The following WDR20 variants were observed in gnomAD, a reference collection of about 807,000 sequenced individuals.
WDR20 encodes the protein WD repeat domain 20.
Under a neutral mutation model 38.7 loss-of-function variants are expected in WDR20, and 3 were observed. That is an observed-to-expected ratio of 0.08 (90% confidence interval 0.04 to 0.20). The LOEUF (loss-of-function observed/expected upper bound fraction) is 0.20. Among genes scored for constraint, WDR20 ranks in the 10% least tolerant of loss-of-function variants. The probability of loss-of-function intolerance (pLI) is 1.00; values close to 1 mark genes in which losing one functional copy is unlikely to be tolerated. For synonymous variants in WDR20, 298 were observed against 285.6 expected, an observed-to-expected ratio of 1.04 and a Z score of -0.44; for missense variants, 559 against 727.7, an observed-to-expected ratio of 0.77 and a Z score of 2.67.
chr14:102,211,963 A>C (rs2062596164), downstream of WDR20, among the ~76,000 whole-genome samples: 1 of 152,086 alleles, frequency 6.6e-6, no homozygotes, highest in East Asian at 1.9e-4. The surrounding 1 kb of genome is among the most constrained non-coding windows in gnomAD (Gnocchi z 4.2). Flanking sequence ...CGAGTAACCA[A>C]CGTGACCGAC....
At chr14:102,185,401 C>T (rs2064392567) in intron 1 of WDR20, among the ~76,000 whole-genome samples, 1 of 152,064 alleles carries the variant, frequency 6.6e-6, no homozygotes, top group Non-Finnish European at 1.5e-5. Context: ...CTTCAAGAAG[C>T]CTAGGAACAT....
intron 2 of WDR20, among the ~76,000 whole-genome samples, chr14:102,198,595 C>T (rs182565306): frequency 6.2e-4 from 94 of 152,240 alleles, no homozygotes; most frequent in African/African-American, 2.2e-3. Flanking sequence ...GAAAGAAGGA[C>T]GGTTTACCTG....
intron 2 of WDR20, among the ~76,000 whole-genome samples, chr14:102,199,818 CCT>C (rs1437161659): frequency 3.9e-5 from 6 of 152,170 alleles, no homozygotes; most frequent in Non-Finnish European, 7.3e-5. Context: ...TGATTTTCCC[CCT>C]GTCAATTAAA....
intron 2 of WDR20, among the ~76,000 whole-genome samples, chr14:102,203,701 A>T (rs988683795): frequency 1.3e-5 from 2 of 151,532 alleles, no homozygotes; most frequent in Non-Finnish European, 2.9e-5. Flanking sequence ...CCGAAACCCC[A>T]TCCCTCAGAG....
chr14:102,205,344 G>A lies in WDR20; in HGVS notation c.433-3259G>A, dbSNP rs201807313. ...CCCTTTGGTATGAAAAAGAAGAGTG[G>A]ATAAATGCGTATTCATATTTGCCTT... On this transcript the variant is annotated intron_variant, in intron 2 of 2. Coordinates refer to ENST00000342702, the MANE Select transcript of WDR20 (RefSeq NM_144574.4). Among the ~76,000 whole-genome samples, 76 of 152,194 alleles carry A rather than the reference G, an allele frequency of 5.0e-4. 1 individual carries two copies. The highest frequency in any genetic ancestry group is 3.4e-3 in the Middle Eastern group (1 of 292).
rs757691666 is a variant in WDR20, at chr14:102,208,677, C to T, written c.507C>T (p.His169=). The T allele has an allele frequency of 6.8e-6, 11 of 1,614,000 alleles. No homozygotes were observed. In the African/African-American group the frequency reaches 1.3e-4, roughly 20 times the overall value. ...CGGAAAGCCTTTTCCTAGTAGCCCA[C>T]TCGAGTGGGAACATGTACTTATATA... ...PGSESLFLVA[H]SSGNMYLYNV... The change falls in exon 3 of 3, where the codon CAC becomes CAT. Residue 169 remains histidine, a synonymous_variant. Coordinates refer to ENST00000342702, the MANE Select transcript of WDR20 (RefSeq NM_144574.4). The surrounding 1 kb of genome is among the most constrained non-coding windows in gnomAD (Gnocchi z 5.6).
chr14:102,216,537 A>G (rs1355398993), downstream of WDR20, among the ~76,000 whole-genome samples: 2 of 152,216 alleles, frequency 1.3e-5, no homozygotes, highest in African/African-American at 4.8e-5. Flanking sequence ...TTTAAGCCCT[A>G]AAGACTATTA....
At chr14:102,152,108 G>T (rs569677021) in intron 1 of WDR20, among the ~76,000 whole-genome samples, 1 of 151,912 alleles carries the variant, frequency 6.6e-6, no homozygotes, top group South Asian at 2.1e-4. Flanking sequence ...TAGAGACAGG[G>T]TTTCACCATG....
rs139993724 is a variant in WDR20, at chr14:102,196,351, T to C, written c.432+1231T>C. On this transcript the variant is annotated intron_variant, in intron 2 of 2. Transcript: ENST00000342702. ...AAAAAAAGTTAAGCAGAAAATATTT[T>C]ATTTACCTAGATGTTTTTTTAGTAT... Among the ~76,000 whole-genome samples the C allele has an allele frequency of 4.5e-3, 693 of 152,318 alleles. 6 individuals carry two copies. Among genetic ancestry groups the C allele is most frequent in the African/African-American group, 0.015 (642 of 41,572 alleles).
chr14:102,149,056 G>C (rs1049907703), intron 1 of WDR20, among the ~76,000 whole-genome samples: 3 of 152,070 alleles, frequency 2.0e-5, no homozygotes, highest in Admixed American at 6.6e-5. Context: ...GCAGCTACTC[G>C]GAAGGCTGAG....
chr14:102,217,612 G>GT (rs1333187837), downstream of WDR20, among the ~76,000 whole-genome samples: 34 of 152,220 alleles, frequency 2.2e-4, 1 homozygote, highest in Admixed American at 1.8e-3. Context: ...CCTGGGCTGG[G>GT]CCCAGGGTTC....
At chr14:102,213,154 G>A (rs1215251306), downstream of WDR20, 1 of 985,756 alleles carries the variant, frequency 1.0e-6, no homozygotes, top group African/African-American at 1.7e-5. Context: ...CCAGATTTGT[G>A]CTGTGACTGC....
Position 102,220,755 on chromosome 14 carries a change from T to C in WDR20, c.1693-2075T>C, listed in dbSNP as rs1318994984. ...AAAAAAAAGAAAATATTAAAATTAA[T>C]GTCACTTGTTTTTATTATCTATCTT... is the stretch of plus-strand genomic sequence containing the variant. On this transcript the variant is annotated intron_variant, in intron 3 of 3. Transcript: ENST00000335263. The surrounding 1 kb of genome is among the most constrained non-coding windows in gnomAD (Gnocchi z 4.2). 6.6e-6 allele frequency among the ~76,000 whole-genome samples: 1 copy of C among 151,374 alleles called. No homozygotes were observed. The highest frequency in any genetic ancestry group is 2.4e-5 in the African/African-American group (1 of 41,202).
At chr14:102,191,256 G>A (rs1566980359) in intron 1 of WDR20, 1 of 152,190 alleles carries the variant, frequency 6.6e-6, no homozygotes, top group Non-Finnish European at 1.5e-5. Flanking sequence ...TGCCTGGTCT[G>A]GGCTCTTTCT....
chr14:102,211,888 A>G (rs1030311201), downstream of WDR20, among the ~76,000 whole-genome samples: 3 of 152,176 alleles, frequency 2.0e-5, no homozygotes, highest in Non-Finnish European at 4.4e-5. The surrounding 1 kb of genome is among the most constrained non-coding windows in gnomAD (Gnocchi z 4.2). Flanking sequence ...TTATGGTGAC[A>G]TTTCTGGCGA....
At chr14:102,193,454 A>G (rs1258520268) in intron 1 of WDR20, 3 of 1,613,086 alleles carry the variant, frequency 1.9e-6, no homozygotes, top group South Asian at 1.1e-5. Flanking sequence ...CTCTTATTTC[A>G]TCCTCCAGAC....
chr14:102,173,815 C>A (rs971342979), intron 1 of WDR20, among the ~76,000 whole-genome samples: 2 of 151,924 alleles, frequency 1.3e-5, no homozygotes, highest in Non-Finnish European at 2.9e-5. Context: ...GAGGCCAAGG[C>A]GGGCAGATCA....
rs546511604 is a variant in WDR20, at chr14:102,158,094, A to C, written c.249+17922A>C. ...TGTTCCAGTGCAGTGAGCAATCATT[A>C]TAACGCCCCTCGTATACACACTCGA... On this transcript the variant is annotated intron_variant, in intron 1 of 2. Transcript: ENST00000342702. 3.3e-5 allele frequency among the ~76,000 whole-genome samples: 5 copies of C among 152,174 alleles called. No homozygotes were observed. In the East Asian group the frequency reaches 9.6e-4, roughly 29 times the overall value.
At chr14:102,204,905 A>G (rs1263912034) in intron 2 of WDR20, among the ~76,000 whole-genome samples, 1 of 152,184 alleles carries the variant, frequency 6.6e-6, no homozygotes, top group Non-Finnish European at 1.5e-5. Context: ...CTGCAGCTTT[A>G]GAAAAGAATG....
Sources: allele counts gnomAD v4.1 joint callset (sites outside exome capture counted in the v4.1 genomes callset), GRCh38; gene constraint gnomAD v4.1.1; non-coding constraint Gnocchi (gnomAD v3.1); transcripts MANE v1.5; gene names NCBI Gene and HGNC (gene_info 2026-07-23, HGNC 2026-07-21).